The following EML6 variants were observed in gnomAD, a reference collection of about 807,000 sequenced individuals.
EML6 encodes EMAP like 6.
EML6 carries 154 observed loss-of-function variants against 240.1 expected under a neutral mutation model. That is an observed-to-expected ratio of 0.64 (90% CI 0.56 to 0.73). The LOEUF is 0.73. Among genes scored for constraint, EML6 ranks in the 30% least tolerant of loss-of-function variants. EML6 has a pLI of 0.00. For missense variants in EML6, 2,964 were observed against 2,474.6 expected (o/e 1.20, Z -4.20); for synonymous variants, 1,148 against 899.0 (o/e 1.28, Z -4.95).
intron 33 of EML6, 43 bp from the exon 34 acceptor site, chr2:54,959,061 C>T (rs1045573560): frequency 1.3e-6 from 2 of 1,516,644 alleles, no homozygotes; most frequent in Non-Finnish European, 1.8e-6. Flanking sequence ...GAGGGACCCG[C>T]TTGAGTGTGT....
chr2:54,921,920 T>A (rs573080706), intron 26 of EML6, among the ~76,000 whole-genome samples: 1 of 152,240 alleles, frequency 6.6e-6, no homozygotes, highest in East Asian at 1.9e-4. Flanking sequence ...TTTAAAAAAA[T>A]TAACCCAAAG....
intron 27 of EML6, 42 bp downstream of exon 27, chr2:54,928,556 C>T: frequency 6.5e-7 from 1 of 1,549,734 alleles, no homozygotes; most frequent in Non-Finnish European, 8.7e-7. Context: ...GCCGAATGCA[C>T]CTCCCAACAC....
chr2:54,815,818 C>T (rs1043766010), intron 3 of EML6, among the ~76,000 whole-genome samples: 1 of 152,244 alleles, frequency 6.6e-6, no homozygotes, highest in African/African-American at 2.4e-5. Context: ...GTTTCATCCA[C>T]ACTGTGAGTG....
intron 2 of EML6, among the ~76,000 whole-genome samples, chr2:54,752,506 ATGTTTTGCC>A (rs1475829350): frequency 1.3e-5 from 2 of 152,184 alleles, no homozygotes; most frequent in Non-Finnish European, 2.9e-5. Flanking sequence ...TTATGTAGAT[ATGTTTTGCC>A]TGATATTGAA....
At chr2:54,771,320 C>T (rs1668392899) in intron 2 of EML6, among the ~76,000 whole-genome samples, 1 of 152,170 alleles carries the variant, frequency 6.6e-6, no homozygotes, top group Admixed American at 6.5e-5. Context: ...CTCTGTCATC[C>T]TGTGAGTCAC....
At chr2:54,859,868 C>T (rs1450598136) in intron 12 of EML6, among the ~76,000 whole-genome samples, 167 bp downstream of exon 12, 3 of 152,098 alleles carry the variant, frequency 2.0e-5, no homozygotes, top group Admixed American at 6.5e-5. Flanking sequence ...TAACATGGGT[C>T]AGTTGGATAA....
intron 41 of EML6, among the ~76,000 whole-genome samples, chr2:54,969,567 T>C (rs752854579): frequency 3.3e-5 from 5 of 152,174 alleles, no homozygotes; most frequent in African/African-American, 4.8e-5. Flanking sequence ...ACCAACCCAA[T>C]TGTGAACAAG....
At chr2:54,799,908 AT>A (rs1386705478) in intron 2 of EML6, among the ~76,000 whole-genome samples, 1 of 152,206 alleles carries the variant, frequency 6.6e-6, no homozygotes, top group East Asian at 1.9e-4. Flanking sequence ...AGGAAAGTGA[AT>A]GTGAAAATGT....
At chr2:54,942,459 C>G (rs2104451420) in intron 28 of EML6, among the ~76,000 whole-genome samples, 2 of 152,238 alleles carry the variant, frequency 1.3e-5, no homozygotes, top group Middle Eastern at 6.8e-3. Context: ...ATGGGCACTA[C>G]CAGGGGTGTT....
intron 2 of EML6, among the ~76,000 whole-genome samples, chr2:54,765,586 T>C (rs1378279998): frequency 1.3e-5 from 2 of 152,084 alleles, no homozygotes; most frequent in African/African-American, 2.4e-5. Flanking sequence ...TCAGCCTCCC[T>C]AGTAGGTGGG....
intron 13 of EML6, among the ~76,000 whole-genome samples, chr2:54,864,914 T>G (rs1357269489): frequency 1.3e-5 from 2 of 152,236 alleles, no homozygotes; most frequent in Non-Finnish European, 2.9e-5. Flanking sequence ...ATGGTTTGGG[T>G]CAGCCCCATG....
intron 2 of EML6, among the ~76,000 whole-genome samples, chr2:54,808,963 T>A (rs1670645287): frequency 6.6e-6 from 1 of 152,162 alleles, no homozygotes; most frequent in Non-Finnish European, 1.5e-5. Context: ...CAGAACTAGG[T>A]TTATATATTA....
In EML6 at chr2:54,931,782, A is replaced by G. The variant is rs185377853; in HGVS notation, c.4004+3031A>G. ...AACCACTCCACGCAGGGTCCTTAGC[A>G]CTGTTTTGTCACTTAGCAATGTTTC... On this transcript the variant is annotated intron_variant, in intron 28 of 41. Transcript: ENST00000356458. Among the ~76,000 whole-genome samples the G allele has an allele frequency of 7.0e-4, 106 of 152,260 alleles. 1 individual carries two copies. Among genetic ancestry groups the G allele is most frequent in the African/African-American group, 2.5e-3 (105 of 41,560 alleles).
At chr2:54,950,147 G>A (rs927098121) in intron 29 of EML6, among the ~76,000 whole-genome samples, 5 of 130,326 alleles carry the variant, frequency 3.8e-5, no homozygotes, top group Admixed American at 3.6e-4. Context: ...TCTAGTTTTT[G>A]GGGGAAAAAA....
chr2:54,883,438 G>T (rs1361891836), intron 17 of EML6, among the ~76,000 whole-genome samples: 1 of 152,112 alleles, frequency 6.6e-6, no homozygotes, highest in African/African-American at 2.4e-5. Flanking sequence ...GCCACAGAAA[G>T]GGAGAACAAA....
At chr2:54,829,029 C>T (rs1169570877) in intron 6 of EML6, among the ~76,000 whole-genome samples, 1 of 152,190 alleles carries the variant, frequency 6.6e-6, no homozygotes, top group Non-Finnish European at 1.5e-5. Context: ...CTAAGGGCCA[C>T]TTATCACATA....
intron 2 of EML6, among the ~76,000 whole-genome samples, chr2:54,728,551 G>A (rs1178039829): frequency 3.3e-5 from 5 of 152,174 alleles, no homozygotes; most frequent in African/African-American, 1.2e-4. Context: ...GCCATTTACC[G>A]GGGGTATCTG....
chr2:54,800,587 G>A lies in EML6; in HGVS notation c.198-12645G>A, dbSNP rs117507379. ...TAGAGGCTGGCTCAAAGATATAACG[G>A]CACCCTCCAGCATGGTGAATGCACT... On this transcript the variant is annotated intron_variant, in intron 2 of 41. Transcript: ENST00000356458. Among the ~76,000 whole-genome samples, 30 of 152,180 alleles carry A rather than the reference G, an allele frequency of 2.0e-4. No individual in the cohort carries two copies. The East Asian group carries it at 5.4e-3, about 27-fold the overall frequency.
chr2:54,754,015 G>T (rs1450261926), intron 2 of EML6, among the ~76,000 whole-genome samples: 1 of 151,698 alleles, frequency 6.6e-6, no homozygotes, highest in Non-Finnish European at 1.5e-5. Context: ...TGCACCTGTA[G>T]TCCCAGTTAC....
Sources: gnomAD v4.1 joint callset for allele counts (sites outside exome capture counted in the v4.1 genomes callset) on GRCh38, gnomAD v4.1.1 for gene constraint, MANE v1.5 for transcripts, NCBI Gene and HGNC (gene_info 2026-07-23, HGNC 2026-07-21) for gene names.